NPRL3: variants seen among roughly 807,000 people sequenced by gnomAD.
The protein encoded by NPRL3 is GATOR1 complex protein NPRL3.
Under a neutral mutation model 57.2 loss-of-function variants are expected in NPRL3, and 23 were observed. The observed-to-expected ratio is 0.40, with a 90% CI of 0.29 to 0.57. The LOEUF (loss-of-function observed/expected upper bound fraction) is 0.57. Ranked by LOEUF, NPRL3 falls within the 20% of genes least tolerant of loss-of-function variation. The pLI, the probability that NPRL3 is intolerant of heterozygous loss-of-function variation, is 0.42. For missense variants in NPRL3, 691 were observed against 767.1 expected (o/e 0.90, Z 1.17); for synonymous variants, 333 against 321.1 (o/e 1.04, Z -0.39).
intron 7 of NPRL3, among the ~76,000 whole-genome samples, chr16:104,057 C>T (rs993383374): frequency 9.3e-5 from 14 of 150,122 alleles, no homozygotes; most frequent in Non-Finnish European, 1.6e-4. Context: ...GAGGCGGAGG[C>T]GGAGGTTGCA....
intron 9 of NPRL3, 119 bp downstream of exon 9, chr16:98,026 G>C (rs1223865332): frequency 7.9e-7 from 1 of 1,270,978 alleles, no homozygotes; most frequent in East Asian, 2.4e-5. Context: ...CCCCATGGTG[G>C]GCTGTGCCGC....
At chr16:118,690 T>C (rs1900149516) in intron 4 of NPRL3, among the ~76,000 whole-genome samples, 2 of 152,208 alleles carry the variant, frequency 1.3e-5, no homozygotes, top group African/African-American at 4.8e-5. Context: ...GCACAGTTCA[T>C]ACCAAGTGTC....
At chr16:123,646 C>G (rs1041650120) in intron 3 of NPRL3, 1 of 449,180 alleles carries the variant, frequency 2.2e-6, no homozygotes, top group Non-Finnish European at 4.6e-6. Flanking sequence ...GCACAAAAGT[C>G]TAGCAGAAGT....
At chr16:100,717 C>T (rs1013394393) in intron 7 of NPRL3, among the ~76,000 whole-genome samples, 1 of 150,842 alleles carries the variant, frequency 6.6e-6, no homozygotes, top group African/African-American at 2.4e-5. Flanking sequence ...TGCCTGTAAT[C>T]CCAGCACTTT....
At chr16:125,251 G>A (rs1900467878) in intron 3 of NPRL3, among the ~76,000 whole-genome samples, 2 of 152,128 alleles carry the variant, frequency 1.3e-5, no homozygotes, top group African/African-American at 4.8e-5. Context: ...CAGCTGCCAA[G>A]CTCCTCAGGT....
Position 86,517 on chromosome 16 carries a change from C to G in NPRL3, c.*188G>C. On this transcript the variant is annotated 3_prime_UTR_variant, in exon 14 of 14. Coordinates refer to ENST00000611875, the MANE Select transcript of NPRL3 (RefSeq NM_001077350.3). ...AGGAACACAGAGGGCAGCAGCCCCA[C>G]AGCGGAACCACCAGGGGCAAGGACA... 1 of 604,896 alleles carries G rather than the reference C, an allele frequency of 1.7e-6. No individual in the cohort carries two copies. Among genetic ancestry groups the G allele is most frequent in the Non-Finnish European group, 2.9e-6 (1 of 346,342 alleles). 37.5% of individuals were successfully genotyped at this position (604,896 alleles called of 1,614,324 possible).
rs1899232122 is a variant in NPRL3 at position 100,454 on chromosome 16, A to G, written c.685T>C (p.Phe229Leu). ...LHINSWLEVS[F>L]CLPHKIHYAA... is the part of the protein sequence containing the mutation. ...TAGTGGATCTTGTGGGGCAGGCAGA[A>G]GCTCACCTCCAGCCAGCTGTTGATG... Residue 229 changes from phenylalanine (F) to leucine (L), a missense_variant, in exon 8 of 14, where the codon TTC becomes CTC. Coordinates refer to ENST00000611875, the MANE Select transcript of NPRL3 (RefSeq NM_001077350.3). The G allele has an allele frequency of 6.2e-7, 1 of 1,606,276 alleles. No homozygotes were observed. Among genetic ancestry groups the G allele is most frequent in the Non-Finnish European group, 8.5e-7 (1 of 1,177,118 alleles).
rs1178938602 is a variant in NPRL3, at chr16:86,246, GCACTT to G, written c.*454_*458del. The stretch of plus-strand genomic sequence containing the variant: ...GAGGTGCTGGGGAGGGGGCCACAGG[GCACTT>G]CACAAATAGAAGGCTGTCAGAGAGA... On this transcript the variant is annotated 3_prime_UTR_variant, in exon 14 of 14. Transcript: ENST00000611875. The G allele has an allele frequency of 7.6e-5, 14 of 185,376 alleles. No individual in the cohort carries two copies. The East Asian group carries it at 1.9e-3, about 26-fold the overall frequency. The allele number at this position is 185,376 out of a possible 1,614,324, so 11.5% of individuals were successfully genotyped here. A position where few individuals can be genotyped will look rare whatever the true frequency, so the allele number is the denominator to read the frequency against.
chr16:127,995 T>TTC (rs71139753), intron 3 of NPRL3, among the ~76,000 whole-genome samples: 10,234 of 61,358 alleles, frequency 0.17, 717 homozygotes, highest in African/African-American at 0.28. Flanking sequence ...CATCTTCTTC[T>TTC]TTTTTTTTTT....
chr16:98,392 A>C, intron 8 of NPRL3, 91 bp from the exon 9 acceptor site: 1 of 1,393,344 alleles, frequency 7.2e-7, no homozygotes, highest in Non-Finnish European at 9.8e-7. Context: ...TGCACCGGGT[A>C]TGCACCAGGT....
At chr16:104,663 C>G (rs1012943861) in intron 7 of NPRL3, among the ~76,000 whole-genome samples, 5 of 152,220 alleles carry the variant, frequency 3.3e-5, no homozygotes, top group Non-Finnish European at 5.9e-5. Flanking sequence ...ATCAGCTCAC[C>G]CACCTGCTGC....
chr16:98,551 G>C (rs1200314312), intron 8 of NPRL3, among the ~76,000 whole-genome samples: 1 of 152,094 alleles, frequency 6.6e-6, no homozygotes, highest in African/African-American at 2.4e-5. Context: ...ATGCACCTGG[G>C]ACACAAACAG....
chr16:98,355 G>C, intron 8 of NPRL3, 54 bp from the exon 9 acceptor site: 1 of 1,565,494 alleles, frequency 6.4e-7, no homozygotes, highest in Middle Eastern at 1.7e-4. Context: ...CCCTGCACCG[G>C]GTATGCACCA....
At chr16:138,088 G>T (rs963164316) in intron 2 of NPRL3, 62 bp downstream of exon 2, 1 of 1,334,786 alleles carries the variant, frequency 7.5e-7, no homozygotes, top group Non-Finnish European at 1.1e-6. Context: ...GCCCTGGAAT[G>T]AGGCGACCCC....
intron 6 of NPRL3, 145 bp from the exon 7 acceptor site, chr16:110,751 T>C: frequency 1.6e-6 from 1 of 617,636 alleles, no homozygotes; most frequent in South Asian, 1.7e-5. Flanking sequence ...GTATTCACCA[T>C]GTTGGCCAGG....
chr16:119,188 G>T lies in NPRL3; in HGVS notation c.256C>A (p.Leu86Met), dbSNP rs1451736465. Reference sequence around the variant, plus strand: ...ACAAATCGCACATTATCAATCTTCAGTTCAAATTTTTGGCCACACATTTCA... The same window carrying T: ...ACAAATCGCACATTATCAATCTTCATTTCAAATTTTTGGCCACACATTTCA... ...KSEMCGQKFE[L>M]KIDNVRFVGH... Residue 86 changes from leucine to methionine, a missense_variant, in exon 4 of 14, where the codon CTG becomes ATG. Physicochemically the swap from Leu to Met is conservative, Grantham distance 15. Coordinates refer to ENST00000611875, the MANE Select transcript of NPRL3 (RefSeq NM_001077350.3). 13 of 1,612,840 alleles carry T rather than the reference G, an allele frequency of 8.1e-6. No individual in the cohort carries two copies. Among genetic ancestry groups the T allele is most frequent in the African/African-American group, 1.3e-5 (1 of 75,056 alleles).
intron 4 of NPRL3, 75 bp from the exon 5 acceptor site, chr16:117,450 G>T (rs957204561): frequency 1.9e-6 from 2 of 1,078,658 alleles, no homozygotes; most frequent in Non-Finnish European, 2.7e-6. Context: ...TCTACTTCAG[G>T]CATGGCAAAA....
rs754625313 is a variant in NPRL3 at position 98,134 on chromosome 16, C to T, written c.924+11G>A. ...GCCACATGCCACCCATCTGGGCCTC[C>T]AGAGCTATACCTGCAGCAAGGCCAG... is the stretch of plus-strand genomic sequence containing the variant. On this transcript the variant is annotated intron_variant, in intron 9 of 13. Transcript: ENST00000611875. 1.2e-6 allele frequency: 2 copies of T among 1,611,794 alleles called. No homozygotes were observed. Among genetic ancestry groups the T allele is most frequent in the Admixed American group, 3.3e-5 (2 of 59,862 alleles).
chr16:132,777 C>T (rs1265659947), intron 2 of NPRL3, among the ~76,000 whole-genome samples: 1 of 150,534 alleles, frequency 6.6e-6, no homozygotes, highest in Admixed American at 6.7e-5. Context: ...TCACGCCATT[C>T]TCCTGCCTCA....
Sources: gnomAD v4.1 joint callset for allele counts (sites outside exome capture counted in the v4.1 genomes callset) on GRCh38, gnomAD v4.1.1 for gene constraint, MANE v1.5 for transcripts, NCBI Gene and HGNC (gene_info 2026-07-23, HGNC 2026-07-21) for gene names.